The following C1GALT1 variants were observed in gnomAD, a reference collection of about 807,000 sequenced individuals.
The protein encoded by C1GALT1 is glycoprotein-N-acetylgalactosamine 3-beta-galactosyltransferase 1.
In C1GALT1, 11 loss-of-function variants were observed where a neutral mutation model predicts 31.0. The observed-to-expected ratio is 0.36, with a 90% confidence interval of 0.22 to 0.59. C1GALT1 has a LOEUF of 0.59. Ranked by LOEUF, C1GALT1 falls within the 20% of genes least tolerant of loss-of-function variation. The pLI is 0.79. For synonymous variants in C1GALT1, 175 were observed against 143.6 expected, an observed-to-expected ratio of 1.22 and a Z score of -1.56; for missense variants, 424 against 425.2, an observed-to-expected ratio of 1.00 and a Z score of 0.03.
chr7:7,214,753 C>CA (rs1259906348), intron 1 of C1GALT1, among the ~76,000 whole-genome samples: 1 of 152,178 alleles, frequency 6.6e-6, no homozygotes, highest in Non-Finnish European at 1.5e-5. Context: ...GTAGGCCGAA[C>CA]AAACTTTCGG....
At chr7:7,225,278 A>C (rs541858803) in intron 1 of C1GALT1, among the ~76,000 whole-genome samples, 1 of 152,104 alleles carries the variant, frequency 6.6e-6, no homozygotes, top group Non-Finnish European at 1.5e-5. Flanking sequence ...GTGCCGCTCT[A>C]TTGTTTCCAA....
In C1GALT1 at chr7:7,238,807, G is replaced by C; in HGVS notation, c.773G>C (p.Arg258Thr). 2 of 1,613,806 alleles carry C rather than the reference G, an allele frequency of 1.2e-6. No homozygotes were observed. The highest frequency in any genetic ancestry group is 1.7e-5 in the Admixed American group (1 of 60,010). The change falls in exon 3 of 4, where the codon AGA (arginine) becomes ACA (threonine). Residue 258 changes from arginine to threonine, a missense_variant. Physicochemically the swap from Arg to Thr is moderately conservative, Grantham distance 71. Transcript: ENST00000436587. This position sits in a 1 kb window ranked among gnomAD's most constrained non-coding sequence, Gnocchi z 5.2. ...EIMNVEAGDS[R>T]DTIGKETFHP... ...ATGAATGTAGAAGCAGGAGATTCCA[G>C]AGATACCATTGGAAAAGAAACTTTT...
chr7:7,183,894 A>G (rs1780701762), intron 1 of C1GALT1, among the ~76,000 whole-genome samples: 1 of 152,246 alleles, frequency 6.6e-6, no homozygotes, highest in Non-Finnish European at 1.5e-5. Context: ...TAATGAATCA[A>G]TGAATAATTG....
intron 1 of C1GALT1, among the ~76,000 whole-genome samples, chr7:7,224,157 TG>T (rs1782642100): frequency 6.6e-6 from 1 of 152,202 alleles, no homozygotes; most frequent in South Asian, 2.1e-4. Context: ...ACTAATACTT[TG>T]TGAAATACTA....
chr7:7,204,987 A>G (rs967692172), intron 1 of C1GALT1, among the ~76,000 whole-genome samples: 1 of 152,162 alleles, frequency 6.6e-6, no homozygotes, highest in Non-Finnish European at 1.5e-5. Context: ...GTACTTGAGA[A>G]CAATATGTAT....
chr7:7,230,565 T>G (rs1253835068), intron 1 of C1GALT1, among the ~76,000 whole-genome samples: 1 of 151,818 alleles, frequency 6.6e-6, no homozygotes, highest in Non-Finnish European at 1.5e-5. Context: ...ATATGTTTGG[T>G]TCTAAATCAA....
intron 1 of C1GALT1, among the ~76,000 whole-genome samples, chr7:7,186,843 C>A (rs1417570133): frequency 6.6e-6 from 1 of 152,164 alleles, no homozygotes; most frequent in African/African-American, 2.4e-5. Context: ...ACACCAAATA[C>A]TGGGGAGAAG....
intron 1 of C1GALT1, among the ~76,000 whole-genome samples, chr7:7,195,382 A>G (rs1229667249): frequency 6.6e-6 from 1 of 152,170 alleles, no homozygotes; most frequent in Admixed American, 6.5e-5. Flanking sequence ...CACTTTTATC[A>G]TTCAGTTCAA....
At chr7:7,223,309 C>T (rs375617021) in intron 1 of C1GALT1, among the ~76,000 whole-genome samples, 5 of 152,268 alleles carry the variant, frequency 3.3e-5, no homozygotes, top group African/African-American at 1.2e-4. Flanking sequence ...CAGGCACCTG[C>T]CATCAAGCCC....
upstream of C1GALT1, among the ~76,000 whole-genome samples, chr7:7,178,849 A>C (rs908085522): frequency 6.6e-6 from 1 of 152,182 alleles, no homozygotes; most frequent in Non-Finnish European, 1.5e-5. Flanking sequence ...ACTATCCCAA[A>C]ACTTAGTGGC....
At chr7:7,232,506 T>G (rs991586700) in intron 1 of C1GALT1, among the ~76,000 whole-genome samples, 31 of 146,084 alleles carry the variant, frequency 2.1e-4, no homozygotes, top group South Asian at 6.4e-4. Flanking sequence ...TGTTTTTTTT[T>G]TTTTGAGACA....
chr7:7,209,245 A>G (rs1024777326), intron 1 of C1GALT1, among the ~76,000 whole-genome samples: 2 of 152,336 alleles, frequency 1.3e-5, no homozygotes, highest in African/African-American at 4.8e-5. Context: ...TATAAGTCGC[A>G]TATTATCTGC....
chr7:7,230,895 C>G (rs748954159), intron 1 of C1GALT1, among the ~76,000 whole-genome samples: 1 of 151,762 alleles, frequency 6.6e-6, no homozygotes, highest in Admixed American at 6.6e-5. Context: ...ATACTAATAT[C>G]TTGTGAGACT....
chr7:7,212,468 TAA>T (rs939491055), intron 1 of C1GALT1, among the ~76,000 whole-genome samples: 1 of 152,188 alleles, frequency 6.6e-6, no homozygotes, highest in Non-Finnish European at 1.5e-5. Flanking sequence ...TGCCATAAGT[TAA>T]GAGTAATTAC....
chr7:7,241,343 A>G (rs1241595893), intron 3 of C1GALT1, among the ~76,000 whole-genome samples: 2 of 151,960 alleles, frequency 1.3e-5, no homozygotes, highest in Admixed American at 1.3e-4. Context: ...AGTAGGATCT[A>G]AATCTGGGAT....
chr7:7,165,933 A>G (rs1780386947), intron 2 of C1GALT1, among the ~76,000 whole-genome samples: 1 of 152,200 alleles, frequency 6.6e-6, no homozygotes, highest in Non-Finnish European at 1.5e-5. Context: ...CATATGAAAC[A>G]TACATTTCAT....
chr7:7,193,815 AT>A (rs1781174165), intron 1 of C1GALT1, among the ~76,000 whole-genome samples: 1 of 152,118 alleles, frequency 6.6e-6, no homozygotes, highest in South Asian at 2.1e-4. Flanking sequence ...TGAGCATGGA[AT>A]GTGTTTCCAT....
chr7:7,201,382 C>T (rs151219210), intron 1 of C1GALT1, among the ~76,000 whole-genome samples: 4,107 of 152,244 alleles, frequency 0.027, 104 homozygotes, highest in African/African-American at 0.071. Flanking sequence ...CTCAGAGGGG[C>T]ACCCAGCTGT....
At chr7:7,218,616 T>G (rs1782359143) in intron 1 of C1GALT1, among the ~76,000 whole-genome samples, 1 of 152,146 alleles carries the variant, frequency 6.6e-6, no homozygotes, top group Non-Finnish European at 1.5e-5. Context: ...ATAAAAAGAA[T>G]CATAGCAACT....
Sources: gnomAD v4.1 joint callset for allele counts (sites outside exome capture counted in the v4.1 genomes callset) on GRCh38, gnomAD v4.1.1 for gene constraint, Gnocchi (gnomAD v3.1) non-coding constraint, MANE v1.5 for transcripts, NCBI Gene and HGNC (gene_info 2026-07-23, HGNC 2026-07-21) for gene names.